The following DTWD2 variants were observed in gnomAD, a reference collection of about 807,000 sequenced individuals.
DTWD2 encodes tRNA-uridine aminocarboxypropyltransferase 2.
In DTWD2, 39 loss-of-function variants were observed where a neutral mutation model predicts 31.8. The ratio of observed to expected loss-of-function variants is 1.22; its 90% CI spans 0.95 to 1.60. The LOEUF (loss-of-function observed/expected upper bound fraction) is 1.60. Among genes scored for constraint, DTWD2 ranks in the 40% most tolerant of loss-of-function variants. The probability of loss-of-function intolerance (pLI) is 0.00; values close to 1 mark genes in which losing one functional copy is unlikely to be tolerated. For synonymous variants in DTWD2, 180 were observed against 142.8 expected, an observed-to-expected ratio of 1.26 and a Z score of -1.86; for missense variants, 515 against 381.5, an observed-to-expected ratio of 1.35 and a Z score of -2.92.
At chr5:118,931,964 C>A (rs989159165) in intron 3 of DTWD2, among the ~76,000 whole-genome samples, 5 of 152,128 alleles carry the variant, frequency 3.3e-5, no homozygotes, top group Non-Finnish European at 5.9e-5. Context: ...AAACAACATA[C>A]TTCTAAGTAA....
intron 4 of DTWD2, among the ~76,000 whole-genome samples, chr5:118,872,775 G>T (rs937444868): frequency 6.6e-6 from 1 of 152,194 alleles, no homozygotes; most frequent in African/African-American, 2.4e-5. Context: ...TGGAAAAACG[G>T]TGCTGACAGA....
chr5:118,947,160 G>A (rs538661185), intron 1 of DTWD2, among the ~76,000 whole-genome samples: 23 of 152,276 alleles, frequency 1.5e-4, no homozygotes, highest in East Asian at 9.7e-4. Flanking sequence ...GTTGGGTGCC[G>A]GCAGGTGCAA....
Position 118,988,348 on chromosome 5 carries a change from A to C in DTWD2, c.164T>G (p.Leu55Arg), listed in dbSNP as rs760403508. ...AEADDDSADG[L>R]WELPVEPAER... ...GGCCGGCTCCACCGGCAGCTCCCAC[A>C]GCCCGTCCGCACTGTCGTCGTCCGC... Residue 55 changes from leucine (L) to arginine (R), a missense_variant, in exon 1 of 6, where the codon CTG (leucine) becomes CGG (arginine). Coordinates refer to ENST00000510708, the MANE Select transcript of DTWD2 (RefSeq NM_173666.4). 77 of 1,559,228 alleles carry C rather than the reference A, an allele frequency of 4.9e-5. No individual in the cohort carries two copies. The highest frequency in any genetic ancestry group is 4.4e-4 in the Middle Eastern group (2 of 4,590).
At chr5:118,937,275 C>T (rs934649410) in intron 3 of DTWD2, among the ~76,000 whole-genome samples, 1 of 151,442 alleles carries the variant, frequency 6.6e-6, no homozygotes, top group Non-Finnish European at 1.5e-5. Flanking sequence ...AATTAAAACT[C>T]TCATCATTTT....
chr5:118,891,016 A>C (rs929779312), intron 4 of DTWD2, among the ~76,000 whole-genome samples: 1 of 151,342 alleles, frequency 6.6e-6, no homozygotes, highest in Non-Finnish European at 1.5e-5. Context: ...AAAATTCTGT[A>C]AGGTGAAAAA....
At chr5:118,982,032 T>C (rs1314312619) in intron 1 of DTWD2, among the ~76,000 whole-genome samples, 1 of 152,230 alleles carries the variant, frequency 6.6e-6, no homozygotes, top group Non-Finnish European at 1.5e-5. Flanking sequence ...ATTAGTCATC[T>C]GACCTAAAGA....
chr5:118,938,032 T>G (rs1754084052), intron 3 of DTWD2, among the ~76,000 whole-genome samples: 1 of 152,210 alleles, frequency 6.6e-6, no homozygotes, highest in African/African-American at 2.4e-5. Flanking sequence ...AACATCACAC[T>G]GTACATGATA....
intron 1 of DTWD2, among the ~76,000 whole-genome samples, chr5:118,954,734 G>A (rs566708932): frequency 2.5e-4 from 38 of 152,108 alleles, no homozygotes; most frequent in Admixed American, 1.2e-3. Flanking sequence ...TAGAGGTGAA[G>A]TTTCTCAAAT....
intron 5 of DTWD2, among the ~76,000 whole-genome samples, chr5:118,842,729 T>A (rs1751746836): frequency 6.6e-6 from 1 of 151,748 alleles, no homozygotes; most frequent in South Asian, 2.1e-4. Context: ...GCCCAGCAGT[T>A]TGAGACCAGC....
intron 4 of DTWD2, among the ~76,000 whole-genome samples, chr5:118,922,433 G>A (rs1318505554): frequency 1.3e-5 from 2 of 152,042 alleles, no homozygotes; most frequent in African/African-American, 2.4e-5. Flanking sequence ...GATCACCTAA[G>A]TAATAACTAA....
At chr5:118,974,052 G>A (rs1416897055) in intron 1 of DTWD2, 6 of 1,606,348 alleles carry the variant, frequency 3.7e-6, no homozygotes, top group African/African-American at 1.3e-5. Flanking sequence ...ACAGCTACGG[G>A]CAAGCGGGCA....
intron 1 of DTWD2, among the ~76,000 whole-genome samples, chr5:118,967,851 A>T (rs959517915): frequency 6.6e-6 from 1 of 152,184 alleles, no homozygotes; most frequent in Non-Finnish European, 1.5e-5. Context: ...ATCAGTGGGC[A>T]AAAATTTGAG....
At chr5:118,978,886 G>A (rs1322620704) in intron 1 of DTWD2, among the ~76,000 whole-genome samples, 1 of 152,058 alleles carries the variant, frequency 6.6e-6, no homozygotes, top group Non-Finnish European at 1.5e-5. Flanking sequence ...CACACATGTA[G>A]TCCCAGCTAC....
At chr5:118,914,980 A>G (rs890914172) in intron 4 of DTWD2, among the ~76,000 whole-genome samples, 1 of 152,178 alleles carries the variant, frequency 6.6e-6, no homozygotes, top group Non-Finnish European at 1.5e-5. Context: ...TAATCCCAGC[A>G]CTGTGGGAGG....
rs1194855500 is a variant in DTWD2 at position 118,918,334 on chromosome 5, A to AT, written c.597+10202dup. Among the ~76,000 whole-genome samples, 179 of 149,368 alleles carry AT rather than the reference A, an allele frequency of 1.2e-3. 1 individual carries two copies. The highest frequency in any genetic ancestry group is 3.4e-3 in the Middle Eastern group (1 of 290). ...TTTTATATCAGTCAGGTTTTTTTTTATTTTTTTTTTGAGATGGAGTCTCGC... is the reference window on the plus strand; with the variant it reads ...TTTTATATCAGTCAGGTTTTTTTTTATTTTTTTTTTTGAGATGGAGTCTCGC... On this transcript the variant is annotated intron_variant, in intron 4 of 5. Transcript: ENST00000510708.
At chr5:118,969,477 G>A (rs923641896) in intron 1 of DTWD2, among the ~76,000 whole-genome samples, 1 of 152,308 alleles carries the variant, frequency 6.6e-6, no homozygotes, top group African/African-American at 2.4e-5. Flanking sequence ...GAAGAAAGAG[G>A]AGGCTGTCAC....
chr5:118,915,119 AG>A (rs1234294061), intron 4 of DTWD2, among the ~76,000 whole-genome samples: 2 of 152,050 alleles, frequency 1.3e-5, no homozygotes, highest in Non-Finnish European at 2.9e-5. Flanking sequence ...TAGGAGGTTG[AG>A]GCATGAGAAT....
chr5:118,960,303 C>T (rs761076509), intron 1 of DTWD2, among the ~76,000 whole-genome samples: 6 of 151,954 alleles, frequency 3.9e-5, no homozygotes, highest in African/African-American at 7.3e-5. Flanking sequence ...GACATATATA[C>T]GGCAAAGAAG....
At chr5:118,908,867 T>C (rs1280213253) in intron 4 of DTWD2, among the ~76,000 whole-genome samples, 1 of 152,138 alleles carries the variant, frequency 6.6e-6, no homozygotes, top group Non-Finnish European at 1.5e-5. Flanking sequence ...CCAGCCTTCC[T>C]CCACCCACAA....
Sources: gnomAD v4.1 joint callset for allele counts (sites outside exome capture counted in the v4.1 genomes callset) on GRCh38, gnomAD v4.1.1 for gene constraint, MANE v1.5 for transcripts, NCBI Gene and HGNC (gene_info 2026-07-23, HGNC 2026-07-21) for gene names.